The following PPFIA2 variants were observed in gnomAD, a reference collection of about 807,000 sequenced individuals.
The protein encoded by PPFIA2 is liprin-alpha-2.
PPFIA2 carries 46 observed loss-of-function variants against 175.5 expected under a neutral mutation model. The observed-to-expected ratio is 0.26, with a 90% confidence interval of 0.21 to 0.34. The LOEUF (loss-of-function observed/expected upper bound fraction) is 0.34. Ranked by LOEUF, PPFIA2 falls within the 10% of genes least tolerant of loss-of-function variation. The probability of loss-of-function intolerance (pLI) is 1.00; values close to 1 mark genes in which losing one functional copy is unlikely to be tolerated. For missense variants in PPFIA2, 1,179 were observed against 1,506.1 expected (o/e 0.78, Z 3.60); for synonymous variants, 568 against 511.4 (o/e 1.11, Z -1.49).
intron 4 of PPFIA2, among the ~76,000 whole-genome samples, chr12:81,486,087 A>C (rs551778379): frequency 6.6e-6 from 1 of 152,060 alleles, no homozygotes; most frequent in African/African-American, 2.4e-5. Context: ...ATGAAATGTA[A>C]CACATAGGAT....
intron 9 of PPFIA2, among the ~76,000 whole-genome samples, chr12:81,382,026 A>G (rs1470994302): frequency 6.6e-6 from 1 of 152,150 alleles, no homozygotes; most frequent in Non-Finnish European, 1.5e-5. Context: ...GGTGGGAGGC[A>G]TATGATAACC....
At chr12:81,427,920 T>C (rs2047428459) in intron 7 of PPFIA2, among the ~76,000 whole-genome samples, 1 of 151,978 alleles carries the variant, frequency 6.6e-6, no homozygotes, top group South Asian at 2.1e-4. Flanking sequence ...CCAGGTGCTA[T>C]GGAATTAGTA....
At chr12:81,628,586 C>T (rs1401857889) in intron 4 of PPFIA2, among the ~76,000 whole-genome samples, 1 of 151,972 alleles carries the variant, frequency 6.6e-6, no homozygotes, top group Non-Finnish European at 1.5e-5. Flanking sequence ...ACCATGTTGG[C>T]CAGCCTGGTT....
intron 4 of PPFIA2, among the ~76,000 whole-genome samples, chr12:81,491,672 C>T (rs1293191373): frequency 1.3e-5 from 2 of 151,984 alleles, no homozygotes; most frequent in South Asian, 2.1e-4. Context: ...TCCACCAGTG[C>T]CTTGATCTTG....
intron 16 of PPFIA2, among the ~76,000 whole-genome samples, 178 bp downstream of exon 16, chr12:81,357,904 C>T (rs2061084105): frequency 6.6e-6 from 1 of 152,108 alleles, no homozygotes; most frequent in African/African-American, 2.4e-5. Flanking sequence ...GCTTATTCAA[C>T]TTTGGGCCCA....
At chr12:81,334,045 G>C (rs913574570) in intron 21 of PPFIA2, among the ~76,000 whole-genome samples, 6 of 152,178 alleles carry the variant, frequency 3.9e-5, no homozygotes, top group African/African-American at 1.4e-4. Context: ...CTGTTACTAA[G>C]TAAAGTTGCC....
chr12:81,612,652 G>C (rs2061042823), intron 4 of PPFIA2, among the ~76,000 whole-genome samples: 1 of 152,092 alleles, frequency 6.6e-6, no homozygotes, highest in Admixed American at 6.5e-5. Context: ...GAACAAAAAG[G>C]CATGTCAAAA....
rs548334854 is a variant in PPFIA2 at position 81,345,140 on chromosome 12, T to C, written c.2233-447A>G. ...TCTATGCAGAGCTTTGGGCCTCCTT[T>C]GGGCAGATGTGCTGTTCCTGTGGGA... On this transcript the variant is annotated intron_variant, in intron 18 of 32. Coordinates refer to ENST00000549396, the MANE Select transcript of PPFIA2 (RefSeq NM_003625.5). Among the ~76,000 whole-genome samples, 6 of 152,284 alleles carry C rather than the reference T, an allele frequency of 3.9e-5. No homozygotes were observed. The South Asian group carries it at 6.2e-4, about 16-fold the overall frequency.
chr12:81,548,151 C>T (rs1489796737), intron 4 of PPFIA2, among the ~76,000 whole-genome samples: 1 of 152,060 alleles, frequency 6.6e-6, no homozygotes, highest in Non-Finnish European at 1.5e-5. Context: ...AATCAAGAAA[C>T]ACCAGAGTAG....
intron 6 of PPFIA2, among the ~76,000 whole-genome samples, chr12:81,440,268 G>C (rs1180271939): frequency 6.6e-6 from 1 of 152,088 alleles, no homozygotes; most frequent in Non-Finnish European, 1.5e-5. Flanking sequence ...AAATGCTTTT[G>C]GTAGTTCCCT....
At chr12:81,471,279 G>A (rs1229220791) in intron 4 of PPFIA2, 1 of 151,748 alleles carries the variant, frequency 6.6e-6, no homozygotes, top group African/African-American at 2.4e-5. Flanking sequence ...CAAGGTGGCT[G>A]GGACCATAGA....
Position 81,659,843 on chromosome 12 carries a change from C to T in PPFIA2, c.303+16948G>A, listed in dbSNP as rs371393689. 1.8e-4 allele frequency among the ~76,000 whole-genome samples: 28 copies of T among 152,236 alleles called. No individual in the cohort carries two copies. The South Asian group carries it at 5.8e-3, about 32-fold the overall frequency. ...CTGACACCTCACACGGCCGGGTACC[C>T]CTCTGAGACAAAACTTCCAGAGGAA... On this transcript the variant is annotated intron_variant, in intron 4 of 32. Transcript: ENST00000549396.
At chr12:81,370,083 T>C (rs2034655140) in intron 11 of PPFIA2, among the ~76,000 whole-genome samples, 1 of 151,758 alleles carries the variant, frequency 6.6e-6, no homozygotes, top group South Asian at 2.1e-4. Flanking sequence ...AAAGTTTGTA[T>C]TAGGGTTTGT....
chr12:81,361,157 A>G (rs1367451774), intron 15 of PPFIA2, among the ~76,000 whole-genome samples: 1 of 151,702 alleles, frequency 6.6e-6, no homozygotes, highest in Non-Finnish European at 1.5e-5. Flanking sequence ...ATAATGACTC[A>G]GTGCAGTGAT....
In PPFIA2 at chr12:81,258,469, G is replaced by A. The variant is rs372827943; in HGVS notation, c.*1225C>T. 2.0e-5 allele frequency: 3 copies of A among 151,918 alleles called. No individual in the cohort carries two copies. Among genetic ancestry groups the A allele is most frequent in the African/African-American group, 7.3e-5 (3 of 41,366 alleles). The allele number at this position is 151,918 out of a possible 1,614,324, so 9.4% of individuals were successfully genotyped here. A position where few individuals can be genotyped will look rare whatever the true frequency, so the allele number is the denominator to read the frequency against. ...GCAGAAAATCAGCAGTTAGATAAAT[G>A]GTATTATTAAATAGGCTTTACTTTG... On this transcript the variant is annotated 3_prime_UTR_variant, in exon 33 of 33. Transcript: ENST00000549396.
At chr12:81,265,034 T>C (rs930212444) in intron 30 of PPFIA2, among the ~76,000 whole-genome samples, 1 of 151,714 alleles carries the variant, frequency 6.6e-6, no homozygotes, top group African/African-American at 2.4e-5. Context: ...GGCTCACGCC[T>C]GTAATCCCAG....
intron 3 of PPFIA2, among the ~76,000 whole-genome samples, chr12:81,678,529 A>G (rs2153572549): frequency 6.6e-6 from 1 of 152,028 alleles, no homozygotes; most frequent in East Asian, 1.9e-4. Context: ...GTCACAAATG[A>G]CAAGGAGTAC....
chr12:81,540,613 TA>T (rs1160346421), intron 4 of PPFIA2, among the ~76,000 whole-genome samples: 4 of 152,006 alleles, frequency 2.6e-5, no homozygotes, highest in Admixed American at 2.0e-4. Context: ...TTTAGGAGTT[TA>T]AAAAATATTT....
At chr12:81,566,530 C>CAA (rs3075452) in intron 4 of PPFIA2, among the ~76,000 whole-genome samples, 4,121 of 68,212 alleles carry the variant, frequency 0.06, 123 homozygotes, top group East Asian at 0.17. Context: ...GACTCCAACT[C>CAA]AAAAAAAAAA....
Sources: gnomAD v4.1 joint callset for allele counts (sites outside exome capture counted in the v4.1 genomes callset) on GRCh38, gnomAD v4.1.1 for gene constraint, MANE v1.5 for transcripts, NCBI Gene and HGNC (gene_info 2026-07-23, HGNC 2026-07-21) for gene names.